The following PPM1J variants were observed in gnomAD, a reference collection of about 807,000 sequenced individuals.
PPM1J encodes the protein protein phosphatase 1J.
PPM1J carries 43 observed loss-of-function variants against 53.3 expected under a neutral mutation model. That is an observed-to-expected ratio of 0.81 (90% CI 0.63 to 1.04). The LOEUF (loss-of-function observed/expected upper bound fraction) is 1.04. Among genes scored for constraint, PPM1J ranks in the 50% least tolerant of loss-of-function variants. PPM1J has a pLI of 0.00. For missense variants in PPM1J, 635 were observed against 685.9 expected (o/e 0.93, Z 0.83); for synonymous variants, 267 against 286.4 (o/e 0.93, Z 0.68).
rs142920638 is a variant in PPM1J, at chr1:112,710,757, G to A, written c.1205C>T (p.Ser402Phe). The A allele has an allele frequency of 1.2e-4, 199 of 1,614,156 alleles. No homozygotes were observed. Among genetic ancestry groups the A allele is most frequent in the African/African-American group, 1.1e-3 (82 of 75,050 alleles). ...SSTLPIKPFL[S>F]CFPEVRVYDL... ...TAAGGGGCTCACCTCAGGGAAGCAG[G>A]AGAGAAAGGGCTTGATGGGCAGGGT... The change falls in exon 8 of 10, where the codon TCC (serine) becomes TTC (phenylalanine). Residue 402 changes from serine (S) to phenylalanine (F), a missense_variant. Coordinates refer to ENST00000309276, the MANE Select transcript of PPM1J (RefSeq NM_005167.7).
intron 6 of PPM1J, 69 bp from the exon 7 acceptor site, chr1:112,711,140 C>A: frequency 6.6e-7 from 1 of 1,518,448 alleles, no homozygotes; most frequent in South Asian, 1.1e-5. Context: ...AGCTGCATAC[C>A]CTCACACAAA....
chr1:112,714,304 C>T (rs1016906794), intron 1 of PPM1J: 1 of 985,626 alleles, frequency 1.0e-6, no homozygotes, highest in Non-Finnish European at 1.2e-6. Flanking sequence ...TCTGCGTTCC[C>T]GGCAGATGCA....
Position 112,715,016 on chromosome 1 carries a change from C to T in PPM1J, c.286G>A (p.Asp96Asn). The T allele has an allele frequency of 6.7e-7, 1 of 1,482,758 alleles. No homozygotes were observed. Among genetic ancestry groups the T allele is most frequent in the Non-Finnish European group, 8.9e-7 (1 of 1,125,204 alleles). The allele number at this position is 1,482,758 out of a possible 1,614,324, so 91.9% of individuals were successfully genotyped here. ...HAGRAVQSPP[D>N]TGRRLPWSTG... ...CTCCAGGGCAGGCGGCGGCCCGTGT[C>T]CGGGGGGCTTTGCACAGCCCGGCCC... The change falls in exon 1 of 10, where the codon GAC becomes AAC. Residue 96 changes from aspartate to asparagine, a missense_variant. Physicochemically the swap from Asp to Asn is conservative, Grantham distance 23. Coordinates refer to ENST00000309276, the MANE Select transcript of PPM1J (RefSeq NM_005167.7). This position sits in a 1 kb window ranked among gnomAD's most constrained non-coding sequence, Gnocchi z 4.4.
chr1:112,713,694 T>G, intron 1 of PPM1J, 83 bp from the exon 2 acceptor site: 1 of 1,136,132 alleles, frequency 8.8e-7, no homozygotes, highest in Non-Finnish European at 1.3e-6. Flanking sequence ...CACCGTCTCC[T>G]GCGCCCGCTG....
Position 112,712,921 on chromosome 1 carries a change from C to A in PPM1J, c.552G>T (p.Leu184=), listed in dbSNP as rs1228525043. 6.2e-7 allele frequency: 1 copy of A among 1,613,998 alleles called. No homozygotes were observed. Among genetic ancestry groups the A allele is most frequent in the South Asian group, 1.1e-5 (1 of 91,064 alleles). ...GCGAAGGGTCCTGAAGTATCTCTAC[C>A]AGGTCCTTTAGCTGCTCTCGGATAT... is the stretch of plus-strand genomic sequence containing the variant. ...HRHIREQLKD[L]VEILQDPSPP... is the part of the protein sequence containing the mutation. Residue 184 remains leucine (L), a synonymous_variant, in exon 3 of 10, where the codon CTG becomes CTT. Coordinates refer to ENST00000309276, the MANE Select transcript of PPM1J (RefSeq NM_005167.7).
chr1:112,712,061 C>T lies in PPM1J; in HGVS notation c.843-6G>A, dbSNP rs1027019606. 6.2e-7 allele frequency: 1 copy of T among 1,603,904 alleles called. No individual in the cohort carries two copies. The highest frequency in any genetic ancestry group is 1.3e-5 in the African/African-American group (1 of 74,614). Reference sequence around the variant, plus strand: ...CATTCCGGACAATGATGGCCCTGCCCAAAGAAAGAAAAGGAATTGGGACCT... The same window carrying T: ...CATTCCGGACAATGATGGCCCTGCCTAAAGAAAGAAAAGGAATTGGGACCT... On this transcript the variant is annotated splice_region_variant and splice_polypyrimidine_tract_variant and intron_variant, in intron 4 of 9. Coordinates refer to ENST00000309276, the MANE Select transcript of PPM1J (RefSeq NM_005167.7).
At chr1:112,712,283 G>T (rs767468190) in intron 4 of PPM1J, 62 bp downstream of exon 4, 1 of 1,319,820 alleles carries the variant, frequency 7.6e-7, no homozygotes, top group Non-Finnish European at 1.1e-6. Flanking sequence ...TTACTCTCCT[G>T]TATTCCCCCA....
intron 4 of PPM1J, 33 bp downstream of exon 4, chr1:112,712,312 T>C: frequency 6.7e-7 from 1 of 1,503,700 alleles, no homozygotes; most frequent in East Asian, 2.4e-5. Context: ...AGTGTGGCCC[T>C]CTGTCGCCAC....
At position 112,715,275 on chromosome 1, in the gene PPM1J, C is replaced by T; in HGVS notation, c.27G>A (p.Val9=). Residue 9 remains valine, a synonymous_variant, in exon 1 of 10, where the codon GTG becomes GTA. Coordinates refer to ENST00000309276, the MANE Select transcript of PPM1J (RefSeq NM_005167.7). This position sits in a 1 kb window ranked among gnomAD's most constrained non-coding sequence, Gnocchi z 4.4. ...CGCCCCCGGAGCTCACCAGGTGCGCCACGGCCGAGCGCACCCGGTTTAGCA... is the reference window on the plus strand; with the variant it reads ...CGCCCCCGGAGCTCACCAGGTGCGCTACGGCCGAGCGCACCCGGTTTAGCA... MLNRVRSA[V]AHLVSSGGAP... The T allele has an allele frequency of 7.5e-7, 1 of 1,324,774 alleles. No individual in the cohort carries two copies. Among genetic ancestry groups the T allele is most frequent in the South Asian group, 2.0e-5 (1 of 50,088 alleles). The allele number at this position is 1,324,774 out of a possible 1,614,324, so 82.1% of individuals were successfully genotyped here. A position where few individuals can be genotyped will look rare whatever the true frequency, so the allele number is the denominator to read the frequency against.
intron 9 of PPM1J, 47 bp downstream of exon 9, chr1:112,710,413 T>C (rs1224503313): frequency 1.2e-6 from 2 of 1,611,716 alleles, no homozygotes; most frequent in South Asian, 2.2e-5. Flanking sequence ...CTTTGACCCT[T>C]CTTTCACCAA....
chr1:112,714,661 CG>C, intron 1 of PPM1J: 1 of 1,192,224 alleles, frequency 8.4e-7, no homozygotes, highest in Non-Finnish European at 1.0e-6. Flanking sequence ...CGGGCCGCGA[CG>C]GGGAACTGGC....
rs35570703 is a variant in PPM1J at position 112,710,607 on chromosome 1, C to G, written c.1223G>C (p.Arg408Pro). 3.1e-6 allele frequency: 5 copies of G among 1,614,034 alleles called. No homozygotes were observed. The South Asian group carries it at 5.5e-5, about 18-fold the overall frequency. Residue 408 changes from arginine (R) to proline (P), a missense_variant, in exon 9 of 10, where the codon CGA becomes CCA. Arg to Pro is a moderately radical substitution (Grantham distance 103). Coordinates refer to ENST00000309276, the MANE Select transcript of PPM1J (RefSeq NM_005167.7). ...KPFLSCFPEV[R>P]VYDLTQYEHC... is the part of the protein sequence containing the mutation. ...CTCATATTGTGTCAGGTCATACACTCGTACCTGGTGGGAGAAAAGGGCAGA... is the reference window on the plus strand; with the variant it reads ...CTCATATTGTGTCAGGTCATACACTGGTACCTGGTGGGAGAAAAGGGCAGA...
At chr1:112,714,304 C>A in intron 1 of PPM1J, 1 of 985,626 alleles carries the variant, frequency 1.0e-6, no homozygotes. Flanking sequence ...TCTGCGTTCC[C>A]GGCAGATGCA....
In PPM1J at chr1:112,715,271, G is replaced by A; in HGVS notation, c.31C>T (p.His11Tyr). The A allele has an allele frequency of 1.5e-6, 2 of 1,328,764 alleles. No homozygotes were observed. Among genetic ancestry groups the A allele is most frequent in the Non-Finnish European group, 1.9e-6 (2 of 1,044,286 alleles). The allele number at this position is 1,328,764 out of a possible 1,614,324, so 82.3% of individuals were successfully genotyped here. MLNRVRSAVA[H>Y]LVSSGGAPPP... ...GGAGCGCCCCCGGAGCTCACCAGGT[G>A]CGCCACGGCCGAGCGCACCCGGTTT... Residue 11 changes from histidine to tyrosine, a missense_variant, in exon 1 of 10, where the codon CAC becomes TAC. His to Tyr is a moderately conservative substitution (Grantham distance 83). Transcript: ENST00000309276. This position sits in a 1 kb window ranked among gnomAD's most constrained non-coding sequence, Gnocchi z 4.4.
intron 3 of PPM1J, 116 bp downstream of exon 3, chr1:112,712,628 G>GCT: frequency 8.2e-7 from 1 of 1,225,614 alleles, no homozygotes; most frequent in Non-Finnish European, 1.2e-6. Context: ...TCTGAACCAA[G>GCT]CTCTGCTCAG....
Position 112,713,582 on chromosome 1 carries a change from T to C in PPM1J, c.356A>G (p.Asn119Ser), listed in dbSNP as rs528694322. Residue 119 changes from asparagine (N) to serine (S), a missense_variant, in exon 2 of 10, where the codon AAT becomes AGT. Asn to Ser is a conservative substitution (Grantham distance 46). Coordinates refer to ENST00000309276, the MANE Select transcript of PPM1J (RefSeq NM_005167.7). Reference sequence around the variant, plus strand: ...CACTTCACAGCAAGCCTGGTCCTCATTGTGCCGACTCTTGCCAGCATTGAT... The same window carrying C: ...CACTTCACAGCAAGCCTGGTCCTCACTGTGCCGACTCTTGCCAGCATTGAT... ...EVINAGKSRH[N>S]EDQACCEVVY... 2 of 1,614,160 alleles carry C rather than the reference T, an allele frequency of 1.2e-6. No homozygotes were observed. Among genetic ancestry groups the C allele is most frequent in the East Asian group, 4.5e-5 (2 of 44,886 alleles).
In PPM1J at chr1:112,712,980, C is replaced by T. The variant is rs932946455; in HGVS notation, c.493G>A (p.Ala165Thr). 6.2e-7 allele frequency: 1 copy of T among 1,612,978 alleles called. No individual in the cohort carries two copies. Among genetic ancestry groups the T allele is most frequent in the African/African-American group, 1.3e-5 (1 of 74,860 alleles). ...GLFDGHAGGG[A>T]AEMASRLLHR... Reference sequence around the variant, plus strand: ...AGGAGCCGTGAGGCCATTTCAGCAGCTCCGCCCCCTGCATGCCCATCAAAT... The same window carrying T: ...AGGAGCCGTGAGGCCATTTCAGCAGTTCCGCCCCCTGCATGCCCATCAAAT... Residue 165 changes from alanine (A) to threonine (T), a missense_variant, in exon 3 of 10, where the codon GCT (alanine) becomes ACT (threonine). By Grantham distance (58) the Ala-to-Thr change is moderately conservative. Transcript: ENST00000309276.
intron 5 of PPM1J, 105 bp downstream of exon 5, chr1:112,711,866 C>T: frequency 1.3e-6 from 1 of 786,576 alleles, no homozygotes; most frequent in Non-Finnish European, 2.0e-6. Flanking sequence ...CAGTAAAGTG[C>T]TTTCTGTGCC....
Position 112,715,176 on chromosome 1 carries a change from C to A in PPM1J, c.126G>T (p.Ala42=). 2.6e-6 allele frequency: 4 copies of A among 1,512,406 alleles called. No homozygotes were observed. The highest frequency in any genetic ancestry group is 2.7e-5 in the East Asian group (1 of 37,052). 93.7% of individuals were successfully genotyped at this position (1,512,406 alleles called of 1,614,324 possible). The part of the protein sequence containing the change: ...ASAPPAAAPE[A]PRSPPAKAGS... Reference sequence around the variant, plus strand: ...CAGCCTTCGCGGGAGGGCTCCTGGGCGCTTCTGGAGCGGCGGCGGGCGGCG... The same window carrying A: ...CAGCCTTCGCGGGAGGGCTCCTGGGAGCTTCTGGAGCGGCGGCGGGCGGCG... The change falls in exon 1 of 10, where the codon GCG becomes GCT. Residue 42 remains alanine, a synonymous_variant. Coordinates refer to ENST00000309276, the MANE Select transcript of PPM1J (RefSeq NM_005167.7). The surrounding 1 kb of genome is among the most constrained non-coding windows in gnomAD (Gnocchi z 4.4).
Sources: gnomAD v4.1 joint callset for allele counts on GRCh38, gnomAD v4.1.1 for gene constraint, Gnocchi (gnomAD v3.1) non-coding constraint, MANE v1.5 for transcripts, NCBI Gene and HGNC (gene_info 2026-07-23, HGNC 2026-07-21) for gene names.